BASP1: variants seen among roughly 807,000 people sequenced by gnomAD.
BASP1 encodes brain abundant membrane attached signal protein 1.
Under a neutral mutation model 2.2 loss-of-function variants are expected in BASP1, and 1 was observed. The observed-to-expected ratio is 0.46, with a 90% CI of 0.16 to 2.17. The LOEUF (loss-of-function observed/expected upper bound fraction) is 2.17. Ranked by LOEUF, BASP1 falls within the 30% of genes most tolerant of loss-of-function variation. The pLI, the probability that BASP1 is intolerant of heterozygous loss-of-function variation, is 0.27. For synonymous variants in BASP1, 187 were observed against 154.2 expected (o/e 1.21, Z -1.58); for missense variants, 352 against 327.2 (o/e 1.08, Z -0.58).
chr5:17,217,053 G>GGAGAGAGAGAGAGAGAGA (rs146244333), upstream of BASP1: 48 of 104,182 alleles, frequency 4.6e-4, no homozygotes, highest in Admixed American at 9.8e-4. Context: ...TAAATGAGGG[G>GGAGAGAGAGAGAGAGAGA]GAGAGAGAGA....
At chr5:17,266,438 A>T (rs576312589) in intron 1 of BASP1, among the ~76,000 whole-genome samples, 1 of 152,178 alleles carries the variant, frequency 6.6e-6, no homozygotes, top group South Asian at 2.1e-4. Context: ...TTCATCTAAG[A>T]GTAATGAATC....
At position 17,243,845 on chromosome 5, in the gene BASP1, T is replaced by TC. The variant is rs1213378762; in HGVS notation, c.-10+26037dup. The stretch of plus-strand genomic sequence containing the variant: ...CACCTTGGTTCTCACCGAATGCTTG[T>TC]CCACTGCCAGCAGAAAACAAAACAC... On this transcript the variant is annotated intron_variant, in intron 1 of 1. Transcript: ENST00000322611. Among the ~76,000 whole-genome samples, 10 of 152,304 alleles carry TC rather than the reference T, an allele frequency of 6.6e-5. No individual in the cohort carries two copies. In the East Asian group the frequency reaches 1.9e-3, roughly 29 times the overall value.
At chr5:17,218,000 G>A (rs1394440062) in intron 1 of BASP1, among the ~76,000 whole-genome samples, 190 bp downstream of exon 1, 1 of 151,946 alleles carries the variant, frequency 6.6e-6, no homozygotes, top group Admixed American at 6.5e-5. Context: ...CGGGGATCCC[G>A]GGTGATGGGG....
At chr5:17,270,928 A>C (rs1181365531) in intron 1 of BASP1, among the ~76,000 whole-genome samples, 1 of 152,152 alleles carries the variant, frequency 6.6e-6, no homozygotes, top group Admixed American at 6.5e-5. Context: ...TGGAGGTGGG[A>C]TTTTTATACT....
chr5:17,261,465 AT>A (rs1180667441), intron 1 of BASP1, among the ~76,000 whole-genome samples: 3 of 152,254 alleles, frequency 2.0e-5, no homozygotes, highest in Non-Finnish European at 4.4e-5. Flanking sequence ...GTAAAGGACT[AT>A]TTCAAAGAGA....
At chr5:17,237,637 T>C (rs988997578) in intron 1 of BASP1, among the ~76,000 whole-genome samples, 6 of 114,772 alleles carry the variant, frequency 5.2e-5, no homozygotes, top group African/African-American at 1.7e-4. Context: ...TTTTTTTTTT[T>C]CCGTGATGGA....
At chr5:17,242,545 C>T (rs1401702712) in intron 1 of BASP1, among the ~76,000 whole-genome samples, 2 of 152,006 alleles carry the variant, frequency 1.3e-5, no homozygotes, top group African/African-American at 4.8e-5. Context: ...TGGTGTTGTA[C>T]CTTCTGTGAG....
At chr5:17,254,973 C>T (rs895812242) in intron 1 of BASP1, among the ~76,000 whole-genome samples, 11 of 152,094 alleles carry the variant, frequency 7.2e-5, no homozygotes, top group African/African-American at 2.7e-4. Context: ...TGCAGGTGGT[C>T]GTAGATAATT....
At chr5:17,235,264 CTTT>C (rs70943880) in intron 1 of BASP1, among the ~76,000 whole-genome samples, 2 of 141,864 alleles carry the variant, frequency 1.4e-5, no homozygotes, top group Non-Finnish European at 1.5e-5. Context: ...TTATGTTTTT[CTTT>C]TTTTTTTTTT....
chr5:17,226,492 C>T (rs1739508997), intron 1 of BASP1, among the ~76,000 whole-genome samples: 1 of 152,154 alleles, frequency 6.6e-6, no homozygotes, highest in South Asian at 2.1e-4. Flanking sequence ...AATAGTGTAT[C>T]AAAAGGGGGA....
intron 1 of BASP1, among the ~76,000 whole-genome samples, chr5:17,253,363 A>G (rs1740137958): frequency 6.6e-6 from 1 of 152,134 alleles, no homozygotes. Context: ...GGCGTACGCC[A>G]CCATGCCCAG....
At chr5:17,271,142 TTTTGC>T (rs1740521414) in intron 1 of BASP1, among the ~76,000 whole-genome samples, 1 of 152,184 alleles carries the variant, frequency 6.6e-6, no homozygotes, top group Non-Finnish European at 1.5e-5. Context: ...TTGTTTTTTG[TTTTGC>T]TTTGTTTTGT....
At chr5:17,255,445 C>G (rs1314201705) in intron 1 of BASP1, among the ~76,000 whole-genome samples, 1 of 152,080 alleles carries the variant, frequency 6.6e-6, no homozygotes, top group Non-Finnish European at 1.5e-5. Context: ...TTTACTATTA[C>G]TTTCCAAGCT....
chr5:17,229,050 C>G (rs561102095), intron 1 of BASP1, among the ~76,000 whole-genome samples: 1 of 152,136 alleles, frequency 6.6e-6, no homozygotes, highest in South Asian at 2.1e-4. Flanking sequence ...TATCACACAG[C>G]GTGGCAAACC....
chr5:17,244,569 C>A (rs904541550), intron 1 of BASP1, among the ~76,000 whole-genome samples: 75 of 152,290 alleles, frequency 4.9e-4, no homozygotes, highest in African/African-American at 1.8e-3. Flanking sequence ...GACCCACAAG[C>A]ACACTGCCAT....
intron 1 of BASP1, among the ~76,000 whole-genome samples, chr5:17,234,169 C>A (rs1739693480): frequency 6.6e-6 from 1 of 152,084 alleles, no homozygotes; most frequent in Non-Finnish European, 1.5e-5. Context: ...AAAAACAATA[C>A]TGGAAAATAC....
chr5:17,250,572 C>T (rs538046948), intron 1 of BASP1, among the ~76,000 whole-genome samples: 67 of 152,194 alleles, frequency 4.4e-4, no homozygotes, highest in African/African-American at 1.2e-3. Flanking sequence ...AATATTGTAT[C>T]GTCTAATGTA....
chr5:17,233,200 C>T (rs1019305242), intron 1 of BASP1, among the ~76,000 whole-genome samples: 1 of 152,168 alleles, frequency 6.6e-6, no homozygotes, highest in Non-Finnish European at 1.5e-5. Flanking sequence ...TGATGGTAGG[C>T]GTCTTTATTG....
chr5:17,232,707 T>C (rs1739658976), intron 1 of BASP1, among the ~76,000 whole-genome samples: 1 of 152,076 alleles, frequency 6.6e-6, no homozygotes. Flanking sequence ...AACATCACCG[T>C]GGATTTTTCT....
Sources: gnomAD v4.1 joint callset for allele counts (sites outside exome capture counted in the v4.1 genomes callset) on GRCh38, gnomAD v4.1.1 for gene constraint, MANE v1.5 for transcripts, NCBI Gene and HGNC (gene_info 2026-07-23, HGNC 2026-07-21) for gene names.